The following CNRIP1 variants were observed in gnomAD, a reference collection of about 807,000 sequenced individuals.
CNRIP1 encodes cannabinoid receptor interacting protein 1.
A neutral mutation model predicts 15.2 loss-of-function variants in CNRIP1; 10 were observed. The observed-to-expected ratio is 0.66, with a 90% CI of 0.41 to 1.12. The LOEUF (loss-of-function observed/expected upper bound fraction) is 1.12. Ranked by LOEUF, CNRIP1 falls within the 50% of genes most tolerant of loss-of-function variation. The pLI is 0.00. For missense variants in CNRIP1, 211 were observed against 214.7 expected, an observed-to-expected ratio of 0.98 and a Z score of 0.11; for synonymous variants, 91 against 83.2, an observed-to-expected ratio of 1.09 and a Z score of -0.51.
chr2:68,304,381 G>A (rs1435439162), intron 2 of CNRIP1, among the ~76,000 whole-genome samples: 2 of 138,694 alleles, frequency 1.4e-5, no homozygotes, highest in Middle Eastern at 3.3e-3. Flanking sequence ...TGGTCTGGGT[G>A]ACAGAGTGAG....
chr2:68,311,779 GAAAAAAA>G (rs59421926), intron 2 of CNRIP1, among the ~76,000 whole-genome samples: 8 of 90,268 alleles, frequency 8.9e-5, no homozygotes, highest in African/African-American at 2.0e-4. Context: ...CATCTCCGGG[GAAAAAAA>G]AAAAAAAAAA....
exon 3 of CNRIP1, chr2:68,284,236 G>C (rs1670973089): frequency 2.4e-6 from 1 of 410,366 alleles, no homozygotes; most frequent in Non-Finnish European, 4.3e-6. Context: ...CAGATGCTTT[G>C]GATTTACTCT....
chr2:68,302,900 G>A (rs935911067), intron 2 of CNRIP1, among the ~76,000 whole-genome samples: 3 of 144,336 alleles, frequency 2.1e-5, no homozygotes, highest in Non-Finnish European at 4.5e-5. Context: ...AGGCTGGAGT[G>A]CAGTGGTGCG....
At chr2:68,317,009 G>A in intron 2 of CNRIP1, 148 bp downstream of exon 2, 5 of 948,618 alleles carry the variant, frequency 5.3e-6, no homozygotes, top group Middle Eastern at 2.1e-4. Flanking sequence ...TCTCTCTCCA[G>A]CAGATGCTTG....
chr2:68,312,969 C>G (rs1672145685), intron 2 of CNRIP1, among the ~76,000 whole-genome samples: 2 of 152,140 alleles, frequency 1.3e-5, no homozygotes, highest in African/African-American at 4.8e-5. Context: ...TGTCAAATAT[C>G]TTTAAGTTGA....
chr2:68,317,114 T>C (rs1277028274), intron 2 of CNRIP1, 43 bp downstream of exon 2: 1 of 1,612,712 alleles, frequency 6.2e-7, no homozygotes, highest in South Asian at 1.1e-5. Flanking sequence ...GTGGTTTCCA[T>C]TTTCCATGGC....
intron 2 of CNRIP1, among the ~76,000 whole-genome samples, chr2:68,296,671 C>G (rs935696153): frequency 2.0e-5 from 3 of 152,080 alleles, no homozygotes; most frequent in Admixed American, 6.5e-5. Flanking sequence ...GAGTCTAGCT[C>G]TGTCGCCCAA....
At chr2:68,296,464 A>C (rs1438494213) in intron 2 of CNRIP1, among the ~76,000 whole-genome samples, 1 of 152,046 alleles carries the variant, frequency 6.6e-6, no homozygotes. Flanking sequence ...GCTTGAGCCC[A>C]GGAGTTTGAG....
chr2:68,304,026 A>G (rs1234932380), intron 2 of CNRIP1, among the ~76,000 whole-genome samples: 1 of 152,070 alleles, frequency 6.6e-6, no homozygotes, highest in Non-Finnish European at 1.5e-5. Context: ...GCAGTGAGCC[A>G]AGATCACACC....
intron 2 of CNRIP1, among the ~76,000 whole-genome samples, chr2:68,310,324 A>G (rs1237588245): frequency 1.1e-4 from 17 of 152,154 alleles, no homozygotes; most frequent in Admixed American, 8.5e-4. Context: ...GTGAAACTCC[A>G]TCTCAAATAA....
downstream of CNRIP1, among the ~76,000 whole-genome samples, chr2:68,292,455 T>C (rs1671198664): frequency 6.6e-6 from 1 of 152,222 alleles, no homozygotes; most frequent in African/African-American, 2.4e-5. Context: ...TTGCATTTTC[T>C]TATAAGAAGG....
intron 2 of CNRIP1, among the ~76,000 whole-genome samples, chr2:68,296,923 C>A (rs947882995): frequency 6.6e-6 from 1 of 152,070 alleles, no homozygotes; most frequent in African/African-American, 2.4e-5. Context: ...AGCCACCACA[C>A]CCGGCCCAAC....
chr2:68,296,955 C>T (rs74415136), intron 2 of CNRIP1, among the ~76,000 whole-genome samples: 15,056 of 152,090 alleles, frequency 0.099, 1,191 homozygotes, highest in African/African-American at 0.22. Flanking sequence ...TTAGCAGAGA[C>T]GCGGTTTAAC....
At chr2:68,305,751 G>T (rs1462518549) in intron 2 of CNRIP1, among the ~76,000 whole-genome samples, 2 of 146,890 alleles carry the variant, frequency 1.4e-5, no homozygotes, top group Non-Finnish European at 3.0e-5. Flanking sequence ...AGCCGAGATG[G>T]CACCACTGCA....
At chr2:68,317,053 G>T in intron 2 of CNRIP1, 104 bp downstream of exon 2, 1 of 1,358,942 alleles carries the variant, frequency 7.4e-7, no homozygotes, top group Non-Finnish European at 1.1e-6. Context: ...CACAGTAATT[G>T]GCTCCCAACA....
intron 2 of CNRIP1, among the ~76,000 whole-genome samples, chr2:68,297,091 T>C (rs747687014): frequency 6.6e-6 from 1 of 152,174 alleles, no homozygotes; most frequent in Non-Finnish European, 1.5e-5. Context: ...TTCTTATTTG[T>C]ATTTTCAAAA....
chr2:68,287,753 G>A (rs576965921), intron 2 of CNRIP1, among the ~76,000 whole-genome samples: 2 of 152,330 alleles, frequency 1.3e-5, no homozygotes, highest in South Asian at 4.1e-4. Context: ...CTTAGCCCAG[G>A]CCATGGAGGT....
rs985721142 is a variant in CNRIP1 at position 68,305,612 on chromosome 2, G to A, written c.330+11545C>T. Among the ~76,000 whole-genome samples the A allele has an allele frequency of 1.7e-4, 26 of 150,346 alleles. No homozygotes were observed. In the East Asian group the frequency reaches 2.6e-3, roughly 15 times the overall value. On this transcript the variant is annotated intron_variant, in intron 2 of 2. Coordinates refer to ENST00000263655, the MANE Select transcript of CNRIP1 (RefSeq NM_015463.3). ...AGATTGAGACCATCCTGGCTAACAC[G>A]GTGAAACCCCGTCTCTACTAAAAAT...
At chr2:68,305,259 A>AAAAAATATAT (rs1267101468) in intron 2 of CNRIP1, among the ~76,000 whole-genome samples, 2 of 100,366 alleles carry the variant, frequency 2.0e-5, no homozygotes, top group African/African-American at 7.3e-5. Flanking sequence ...AAAAAAAAAA[A>AAAAAATATAT]ATATATATAT....
Sources: gnomAD v4.1 joint callset for allele counts (sites outside exome capture counted in the v4.1 genomes callset) on GRCh38, gnomAD v4.1.1 for gene constraint, MANE v1.5 for transcripts, NCBI Gene and HGNC (gene_info 2026-07-23, HGNC 2026-07-21) for gene names.